TESK2: variants seen among roughly 807,000 people sequenced by gnomAD.
The protein encoded by TESK2 is dual specificity testis-specific protein kinase 2.
TESK2 carries 39 observed loss-of-function variants against 57.1 expected under a neutral mutation model. The observed-to-expected ratio is 0.68, with a 90% CI of 0.53 to 0.89. TESK2 has a LOEUF of 0.89. TESK2 is among the 40% of genes least tolerant of loss of function. The pLI is 0.00. For synonymous variants in TESK2, 249 were observed against 267.9 expected, an observed-to-expected ratio of 0.93 and a Z score of 0.69; for missense variants, 646 against 732.1, an observed-to-expected ratio of 0.88 and a Z score of 1.36.
intron 3 of TESK2, among the ~76,000 whole-genome samples, chr1:45,421,029 G>C (rs1459552786): frequency 6.6e-6 from 1 of 152,182 alleles, no homozygotes; most frequent in East Asian, 1.9e-4. Flanking sequence ...AGGCCAAGGA[G>C]GGTGAATTGC....
chr1:45,413,820 A>G (rs1225818933), intron 3 of TESK2: 2 of 455,880 alleles, frequency 4.4e-6, no homozygotes, highest in Non-Finnish European at 8.8e-6. Context: ...ATTCTTCCCA[A>G]TGTAGATCTA....
At chr1:45,399,347 T>C (rs1415882573) in intron 3 of TESK2, among the ~76,000 whole-genome samples, 2 of 151,162 alleles carry the variant, frequency 1.3e-5, no homozygotes. Flanking sequence ...GGAGTTTTGC[T>C]CTTGTTACCC....
intron 5 of TESK2, among the ~76,000 whole-genome samples, chr1:45,353,514 A>G (rs1488211996): frequency 1.3e-5 from 2 of 152,132 alleles, no homozygotes; most frequent in Non-Finnish European, 2.9e-5. Flanking sequence ...TTCCCTTTCA[A>G]GCTTTTTCTT....
chr1:45,421,345 T>C (rs1188762844), intron 3 of TESK2, among the ~76,000 whole-genome samples: 3 of 152,188 alleles, frequency 2.0e-5, no homozygotes, highest in Non-Finnish European at 4.4e-5. Flanking sequence ...TAATTTTACA[T>C]TTATTGCCAC....
rs1220434084 is a variant in TESK2, at chr1:45,427,068, C to A, written c.223-5222G>T. Among the ~76,000 whole-genome samples, 3 of 151,946 alleles carry A rather than the reference C, an allele frequency of 2.0e-5. No individual in the cohort carries two copies. In the South Asian group the frequency reaches 6.2e-4, roughly 32 times the overall value. On this transcript the variant is annotated intron_variant, in intron 2 of 10. Coordinates refer to ENST00000372086, the MANE Select transcript of TESK2 (RefSeq NM_007170.3). ...GACCAGCCTGGCCAACATGGTAAAA[C>A]CCCGTCTCCACTAAAAATACAAAAA... is the stretch of plus-strand genomic sequence containing the variant.
intron 1 of TESK2, among the ~76,000 whole-genome samples, chr1:45,470,506 C>G (rs572392004): frequency 6.6e-6 from 1 of 152,188 alleles, no homozygotes; most frequent in African/African-American, 2.4e-5. Context: ...TAATTAACCA[C>G]GAATATACAC....
chr1:45,484,083 A>G (rs556643439), intron 1 of TESK2, among the ~76,000 whole-genome samples: 22 of 145,906 alleles, frequency 1.5e-4, no homozygotes, highest in Non-Finnish European at 2.8e-4. Flanking sequence ...GGCCAACTGT[A>G]TCATTTCATT....
Position 45,489,785 on chromosome 1 carries a change from G to A in TESK2, c.-87+1067C>T, listed in dbSNP as rs187492401. ...AGCCTGGGTGACAGAATGAGACTCC[G>A]TCAAAAAAAACAAAAACTAACAAAC... is the stretch of plus-strand genomic sequence containing the variant. On this transcript the variant is annotated intron_variant, in intron 1 of 10. Transcript: ENST00000372086. Among the ~76,000 whole-genome samples the A allele has an allele frequency of 1.2e-4, 18 of 152,168 alleles. No homozygotes were observed. The East Asian group carries it at 3.5e-3, about 29-fold the overall frequency.
chr1:45,423,864 G>T (rs1257659318), intron 2 of TESK2, among the ~76,000 whole-genome samples: 1 of 152,148 alleles, frequency 6.6e-6, no homozygotes, highest in African/African-American at 2.4e-5. Flanking sequence ...CACTTTACTT[G>T]AGAAAGATTG....
At chr1:45,390,233 C>A (rs1649079273) in intron 3 of TESK2, among the ~76,000 whole-genome samples, 1 of 152,120 alleles carries the variant, frequency 6.6e-6, no homozygotes, top group Non-Finnish European at 1.5e-5. Flanking sequence ...GAGATCAAGA[C>A]CAGCCTGGAG....
At chr1:45,457,963 A>T (rs1652175079) in intron 1 of TESK2, 92 bp from the exon 2 acceptor site, 2 of 578,318 alleles carry the variant, frequency 3.5e-6, no homozygotes, top group South Asian at 4.2e-5. Flanking sequence ...TTCCTTTCAC[A>T]TTCTAGTTCC....
At chr1:45,423,581 A>T (rs577054507) in intron 2 of TESK2, among the ~76,000 whole-genome samples, 1 of 149,944 alleles carries the variant, frequency 6.7e-6, no homozygotes, top group African/African-American at 2.4e-5. Context: ...AAAATCTATA[A>T]AAAAAAAAAA....
chr1:45,469,818 C>A (rs1270299726), intron 1 of TESK2, among the ~76,000 whole-genome samples: 2 of 152,170 alleles, frequency 1.3e-5, no homozygotes, highest in Non-Finnish European at 2.9e-5. Context: ...CTCTATTTTC[C>A]ATTCTAATGC....
At chr1:45,442,706 A>G (rs1353480882) in intron 2 of TESK2, among the ~76,000 whole-genome samples, 1 of 152,194 alleles carries the variant, frequency 6.6e-6, no homozygotes, top group Non-Finnish European at 1.5e-5. Flanking sequence ...TATTTTCACA[A>G]CTGCACACAC....
chr1:45,461,716 T>G (rs1183551147), intron 1 of TESK2, among the ~76,000 whole-genome samples: 1 of 152,196 alleles, frequency 6.6e-6, no homozygotes, highest in African/African-American at 2.4e-5. Context: ...ATATAAAACA[T>G]AGTTGTCTGC....
At chr1:45,387,271 A>G (rs900944847) in intron 3 of TESK2, among the ~76,000 whole-genome samples, 6 of 152,174 alleles carry the variant, frequency 3.9e-5, no homozygotes, top group African/African-American at 1.4e-4. Flanking sequence ...ACACACAGAC[A>G]CAAAGTCACT....
intron 3 of TESK2, among the ~76,000 whole-genome samples, chr1:45,397,769 C>G (rs992937444): frequency 2.0e-5 from 3 of 152,154 alleles, no homozygotes; most frequent in Non-Finnish European, 2.9e-5. Context: ...GTCTCTCTGT[C>G]TGGAATCCAT....
chr1:45,428,804 CT>C (rs112961236), intron 2 of TESK2, among the ~76,000 whole-genome samples: 68,358 of 140,564 alleles, frequency 0.49, 16,414 homozygotes, highest in Middle Eastern at 0.6. Flanking sequence ...GCGCCCAGCT[CT>C]TAAATTCCTG....
intron 1 of TESK2, among the ~76,000 whole-genome samples, chr1:45,458,380 C>A (rs1047854533): frequency 6.6e-6 from 1 of 152,134 alleles, no homozygotes; most frequent in Non-Finnish European, 1.5e-5. Flanking sequence ...GCCTGGCCAA[C>A]ATGGTGAAAC....
Sources: gnomAD v4.1 joint callset for allele counts (sites outside exome capture counted in the v4.1 genomes callset) on GRCh38, gnomAD v4.1.1 for gene constraint, MANE v1.5 for transcripts, NCBI Gene and HGNC (gene_info 2026-07-23, HGNC 2026-07-21) for gene names.